The following KMT5B variants were observed in gnomAD, a reference collection of about 807,000 sequenced individuals.
KMT5B encodes lysine methyltransferase 5B, also known as histone-lysine N-methyltransferase KMT5B.
A neutral mutation model predicts 83.2 loss-of-function variants in KMT5B; 10 were observed. That is an observed-to-expected ratio of 0.12 (90% CI 0.07 to 0.20). The LOEUF is 0.20. Among genes scored for constraint, KMT5B ranks in the 10% least tolerant of loss-of-function variants. The pLI is 1.00. For synonymous variants in KMT5B, 349 were observed against 388.8 expected (o/e 0.90, Z 1.20); for missense variants, 753 against 1,067.2 (o/e 0.71, Z 4.10).
rs2153040160 is a variant in KMT5B, at chr11:68,158,155, T to C, written c.2191A>G (p.Asn731Asp). 6 of 1,614,214 alleles carry C rather than the reference T, an allele frequency of 3.7e-6. 1 individual carries two copies. The East Asian group carries it at 1.3e-4, about 36-fold the overall frequency. Residue 731 changes from asparagine to aspartate, a missense_variant, in exon 11 of 11, where the codon AAT becomes GAT. By Grantham distance (23) the Asn-to-Asp change is conservative. This residue lies in a region of KMT5B where 161 missense variants were observed against 195.1 expected (regional missense o/e 0.83). Coordinates refer to ENST00000304363, the MANE Select transcript of KMT5B (RefSeq NM_017635.5). ...TTCATTCCATCATTCTCTTGGTCAT[T>C]TGTTTTGCTGCTGCTATCATGACGC... ...RRRHDSSSKTNDQENDGMNSS... is the reference protein window; with the variant it reads ...RRRHDSSSKTDDQENDGMNSS...
rs773232029 is a variant in KMT5B at position 68,158,157 on chromosome 11, G to A, written c.2189C>T (p.Thr730Ile). Residue 730 changes from threonine (T) to isoleucine (I), a missense_variant, in exon 11 of 11, where the codon ACA becomes ATA. By Grantham distance (89) the Thr-to-Ile change is moderately conservative (BLOSUM62 -1). Coordinates refer to ENST00000304363, the MANE Select transcript of KMT5B (RefSeq NM_017635.5). ...CATTCCATCATTCTCTTGGTCATTT[G>A]TTTTGCTGCTGCTATCATGACGCCT... ...LRRRHDSSSK[T>I]NDQENDGMNS... The A allele has an allele frequency of 1.9e-6, 3 of 1,614,132 alleles. No individual in the cohort carries two copies. The highest frequency in any genetic ancestry group is 2.2e-5 in the East Asian group (1 of 44,874).
At chr11:68,196,857 ATG>A (rs1215917036) in intron 1 of KMT5B, among the ~76,000 whole-genome samples, 1 of 152,230 alleles carries the variant, frequency 6.6e-6, no homozygotes, top group Admixed American at 6.5e-5. Context: ...TCATGGAACA[ATG>A]TACTTTTAGG....
At position 68,167,026 on chromosome 11, in the gene KMT5B, C is replaced by G; in HGVS notation, c.1130G>C (p.Ser377Thr). The change falls in exon 10 of 11, where the codon AGC becomes ACC. Residue 377 changes from serine to threonine, a missense_variant. Ser to Thr is a moderately conservative substitution (Grantham distance 58, BLOSUM62 1). This residue lies in a region of KMT5B where 397 missense variants were observed against 395.9 expected (regional missense o/e 1.00). Coordinates refer to ENST00000304363, the MANE Select transcript of KMT5B (RefSeq NM_017635.5). ...AGTGGTATCTGCATCAGTGTTAGAG[C>G]TGACAGATTGACTGTCTGAATTTTT... ...SSKNSDSQSV[S>T]SNTDADTTQE... 1.9e-6 allele frequency: 3 copies of G among 1,614,144 alleles called. No individual in the cohort carries two copies. Among genetic ancestry groups the G allele is most frequent in the Non-Finnish European group, 2.5e-6 (3 of 1,180,008 alleles).
rs1040785722 is a variant in KMT5B, at chr11:68,156,949, T to C, written c.*739A>G. The C allele has an allele frequency of 1.3e-5, 2 of 152,516 alleles. No individual in the cohort carries two copies. The highest frequency in any genetic ancestry group is 1.3e-4 in the Admixed American group (2 of 15,272). The allele number at this position is 152,516 out of a possible 1,614,324, so 9.4% of individuals were successfully genotyped here. A position where few individuals can be genotyped will look rare whatever the true frequency, so the allele number is the denominator to read the frequency against. ...CACCAATCATTCTTGCAAAGAACAA[T>C]TTTATCTAAAAGGATTGAAAAGAGT... On this transcript the variant is annotated 3_prime_UTR_variant, in exon 11 of 11. Coordinates refer to ENST00000304363, the MANE Select transcript of KMT5B (RefSeq NM_017635.5).
In KMT5B at chr11:68,155,895, T is replaced by A. The variant is rs1055549857; in HGVS notation, c.*1793A>T. 6.6e-6 allele frequency: 1 copy of A among 152,166 alleles called. No individual in the cohort carries two copies. Among genetic ancestry groups the A allele is most frequent in the Non-Finnish European group, 1.5e-5 (1 of 68,036 alleles). 9.4% of individuals were successfully genotyped at this position (152,166 alleles called of 1,614,324 possible). The stretch of plus-strand genomic sequence containing the variant: ...TCGACTGCACCACAACAAACAAGGA[T>A]GAGACTATGTAAGACTGCAGAAGTA... On this transcript the variant is annotated 3_prime_UTR_variant, in exon 11 of 11. Coordinates refer to ENST00000304363, the MANE Select transcript of KMT5B (RefSeq NM_017635.5).
intron 4 of KMT5B, chr11:68,179,430 G>C (rs1468785101): frequency 3.1e-6 from 4 of 1,297,624 alleles, no homozygotes; most frequent in Non-Finnish European, 4.1e-6. Flanking sequence ...TATTATTAAA[G>C]GGGCAGGAAA....
At chr11:68,166,917 C>T in intron 10 of KMT5B, 65 bp downstream of exon 10, 2 of 1,593,634 alleles carry the variant, frequency 1.3e-6, no homozygotes, top group Non-Finnish European at 1.7e-6. Flanking sequence ...CTGAAGCACA[C>T]TTTATAAAGC....
At chr11:68,192,374 C>A (rs1858189909) in intron 1 of KMT5B, among the ~76,000 whole-genome samples, 1 of 152,198 alleles carries the variant, frequency 6.6e-6, no homozygotes, top group Non-Finnish European at 1.5e-5. Flanking sequence ...ACAGTGCCCC[C>A]AGACTGGCCA....
intron 1 of KMT5B, among the ~76,000 whole-genome samples, chr11:68,211,272 G>A (rs1321347937): frequency 6.6e-6 from 1 of 152,074 alleles, no homozygotes; most frequent in African/African-American, 2.4e-5. Flanking sequence ...CCCCACTACT[G>A]TCCCCTGGCA....
chr11:68,191,731 A>G lies in KMT5B; in HGVS notation c.-76-1579T>C, dbSNP rs534856613. Among the ~76,000 whole-genome samples the G allele has an allele frequency of 1.1e-4, 16 of 152,360 alleles. No homozygotes were observed. In the East Asian group the frequency reaches 3.1e-3, roughly 29 times the overall value. ...TTTAGAAAAAAAAACTTTATAAAGT[A>G]AAACAGTTACAAGCTAAGGTTAATT... On this transcript the variant is annotated intron_variant, in intron 1 of 10. Transcript: ENST00000304363.
intron 3 of KMT5B, among the ~76,000 whole-genome samples, chr11:68,181,521 G>A (rs921408875): frequency 8.5e-5 from 13 of 152,178 alleles, no homozygotes; most frequent in African/African-American, 3.1e-4. Context: ...CAAGGAACAG[G>A]CAGAGAGCTT....
At chr11:68,213,463 A>G (rs1423981299), upstream of KMT5B, 1 of 137,602 alleles carries the variant, frequency 7.3e-6, no homozygotes, top group East Asian at 2.2e-4. Context: ...GCGCCCCGCC[A>G]CCCGGGGCCT....
At chr11:68,197,733 T>G (rs541501140) in intron 1 of KMT5B, among the ~76,000 whole-genome samples, 4 of 152,354 alleles carry the variant, frequency 2.6e-5, no homozygotes, top group South Asian at 2.1e-4. Context: ...CAGGTACTTC[T>G]GTCAATCACA....
intron 4 of KMT5B, chr11:68,179,502 C>T (rs1331280363): frequency 2.3e-6 from 3 of 1,304,216 alleles, no homozygotes; most frequent in Non-Finnish European, 3.0e-6. Context: ...ACTCACTTCC[C>T]AGGTTTTCTT....
At chr11:68,185,686 T>C (rs1324608725) in intron 3 of KMT5B, 95 bp downstream of exon 3, 5 of 1,300,734 alleles carry the variant, frequency 3.8e-6, no homozygotes, top group East Asian at 4.8e-5. Context: ...TCCTTTAATG[T>C]CATTTTAAAT....
At chr11:68,185,363 C>A (rs1315608900) in intron 3 of KMT5B, among the ~76,000 whole-genome samples, 3 of 152,142 alleles carry the variant, frequency 2.0e-5, no homozygotes, top group African/African-American at 7.2e-5. Flanking sequence ...GTGCCACCTG[C>A]CTGGCTAATT....
At chr11:68,204,609 C>CG (rs1201273543) in intron 1 of KMT5B, among the ~76,000 whole-genome samples, 2 of 133,190 alleles carry the variant, frequency 1.5e-5, no homozygotes, top group African/African-American at 2.8e-5. Context: ...AATAAATTTC[C>CG]GGTTTTTTTT....
chr11:68,209,343 C>T (rs1363336273), intron 1 of KMT5B, among the ~76,000 whole-genome samples: 1 of 152,036 alleles, frequency 6.6e-6, no homozygotes, highest in Non-Finnish European at 1.5e-5. Context: ...CACTAGAGGG[C>T]GTATGAGAGC....
At chr11:68,161,399 GCCT>G (rs758350391) in intron 10 of KMT5B, among the ~76,000 whole-genome samples, 25 of 152,170 alleles carry the variant, frequency 1.6e-4, no homozygotes, top group Non-Finnish European at 3.5e-4. Context: ...CTCATTCTAT[GCCT>G]CCTCAAGGAC....
Sources: gnomAD v4.1 joint callset for allele counts (sites outside exome capture counted in the v4.1 genomes callset) on GRCh38, gnomAD v4.1.1 for gene constraint, gnomAD v4.1.1 regional missense constraint, MANE v1.5 for transcripts, NCBI Gene and HGNC (gene_info 2026-07-23, HGNC 2026-07-21) for gene names.